Variants in IAPP observed in about 807,000 individuals in gnomAD.
IAPP encodes islet amyloid polypeptide.
In IAPP, 4 loss-of-function variants were observed where a neutral mutation model predicts 2.9. The ratio of observed to expected loss-of-function variants is 1.39; its 90% CI spans 0.69 to 3.19. The LOEUF (loss-of-function observed/expected upper bound fraction) is 3.19, where lower values mean the gene tolerates loss of function less well. Ranked by LOEUF, IAPP falls within the 30% of genes most tolerant of loss-of-function variation. The pLI is 0.01. For missense variants in IAPP, 114 were observed against 105.3 expected, an observed-to-expected ratio of 1.08 and a Z score of -0.36; for synonymous variants, 40 against 42.1, an observed-to-expected ratio of 0.95 and a Z score of 0.19.
At chr12:21,375,993 A>C (rs772851308) in intron 2 of IAPP, among the ~76,000 whole-genome samples, 4 of 152,230 alleles carry the variant, frequency 2.6e-5, no homozygotes, top group Admixed American at 6.5e-5. Flanking sequence ...TTTAGATAGA[A>C]TCTTATATAT....
intron 1 of IAPP, among the ~76,000 whole-genome samples, chr12:21,356,910 T>C (rs112967201): frequency 6.6e-5 from 10 of 152,074 alleles, no homozygotes; most frequent in African/African-American, 2.4e-4. Flanking sequence ...CCAGTGCTCG[T>C]GGAAACTTTA....
rs796513737 is a variant in IAPP at position 21,359,401 on chromosome 12, GA to G, written c.-16+4398del. ...TTCACTCCTTGTGTAAAACATTAGT[GA>G]AAAAAAAAACACAAACCTGAAATCG... On this transcript the variant is annotated intron_variant, in intron 1 of 2. Transcript: ENST00000539393. 6.1e-5 allele frequency among the ~76,000 whole-genome samples: 9 copies of G among 146,818 alleles called. No homozygotes were observed. The South Asian group carries it at 6.5e-4, about 11-fold the overall frequency.
chr12:21,366,413 G>C (rs1490895401), intron 1 of IAPP, among the ~76,000 whole-genome samples: 1 of 148,778 alleles, frequency 6.7e-6, no homozygotes, highest in Non-Finnish European at 1.5e-5. Context: ...GTGGGCGGGG[G>C]AGGGATAGCA....
intron 1 of IAPP, among the ~76,000 whole-genome samples, chr12:21,361,682 G>A (rs12824228): frequency 0.32 from 48,990 of 151,766 alleles, 8,164 homozygotes; most frequent in East Asian, 0.46. Context: ...AGAAAAGACA[G>A]TGTAGAGAAG....
chr12:21,362,139 C>A (rs1326246923), intron 1 of IAPP, among the ~76,000 whole-genome samples: 3 of 152,028 alleles, frequency 2.0e-5, no homozygotes, highest in Non-Finnish European at 4.4e-5. Flanking sequence ...TAAGGGCAGC[C>A]AGAGAGAAAG....
At chr12:21,362,452 A>G (rs191926158) in intron 1 of IAPP, among the ~76,000 whole-genome samples, 25 of 152,322 alleles carry the variant, frequency 1.6e-4, no homozygotes, top group African/African-American at 5.8e-4. Context: ...AACATGCCAA[A>G]TTGTAAAGAC....
rs1300469209 is a variant in IAPP, at chr12:21,378,506, G to C, written c.*80G>C. The C allele has an allele frequency of 3.5e-6, 4 of 1,144,546 alleles. No homozygotes were observed. The highest frequency in any genetic ancestry group is 5.3e-6 in the Non-Finnish European group (4 of 757,386). 70.9% of individuals were successfully genotyped at this position (1,144,546 alleles called of 1,614,324 possible). A position where few individuals can be genotyped will look rare whatever the true frequency, so the allele number is the denominator to read the frequency against. ...TTTAACAGTGCCCTTTTCATCTCCAGTGTGAATATATGGTCTGTGTGTCTG... is the reference window on the plus strand; with the variant it reads ...TTTAACAGTGCCCTTTTCATCTCCACTGTGAATATATGGTCTGTGTGTCTG... On this transcript the variant is annotated 3_prime_UTR_variant, in exon 3 of 3. Transcript: ENST00000240652.
chr12:21,360,383 A>G (rs1206566048), intron 1 of IAPP, among the ~76,000 whole-genome samples: 2 of 152,254 alleles, frequency 1.3e-5, no homozygotes, highest in Admixed American at 1.3e-4. Flanking sequence ...AATAAGGATC[A>G]TCAGATATTT....
chr12:21,378,737 G>C lies in IAPP; in HGVS notation c.*311G>C, dbSNP rs1448166646. ...AGGAGAAAAAGGTAGTTTGAACCTT[G>C]GTAAATTGTAAACAGCTAATAATGA... On this transcript the variant is annotated 3_prime_UTR_variant, in exon 3 of 3. Coordinates refer to ENST00000240652, the MANE Select transcript of IAPP (RefSeq NM_000415.3). 2 of 254,104 alleles carry C rather than the reference G, an allele frequency of 7.9e-6. No individual in the cohort carries two copies. The highest frequency in any genetic ancestry group is 2.2e-5 in the African/African-American group (1 of 45,032). The allele number at this position is 254,104 out of a possible 1,614,324, so 15.7% of individuals were successfully genotyped here.
Position 21,378,567 on chromosome 12 carries a change from T to C in IAPP, c.*141T>C, listed in dbSNP as rs767477594. 5.8e-6 allele frequency: 4 copies of C among 685,654 alleles called. No individual in the cohort carries two copies. The highest frequency in any genetic ancestry group is 1.0e-5 in the Non-Finnish European group (4 of 391,974). 42.5% of individuals were successfully genotyped at this position (685,654 alleles called of 1,614,324 possible). A position where few individuals can be genotyped will look rare whatever the true frequency, so the allele number is the denominator to read the frequency against. On this transcript the variant is annotated 3_prime_UTR_variant, in exon 3 of 3. Coordinates refer to ENST00000240652, the MANE Select transcript of IAPP (RefSeq NM_000415.3). ...CTAGGACATATACCTTCTCAAAAGA[T>C]TGTTTTATATGTAGTACTAACTAAG...
Position 21,362,447 on chromosome 12 carries a change from G to A in IAPP, c.-16+7434G>A, listed in dbSNP as rs572079697. On this transcript the variant is annotated intron_variant, in intron 1 of 2. Transcript: ENST00000539393. ...CCGGTACGAGCCACTGCAAAAACAT[G>A]CCAAATTGTAAAGACCATTGGTACT... Among the ~76,000 whole-genome samples the A allele has an allele frequency of 3.5e-3, 538 of 152,242 alleles. 4 individuals carry two copies. The highest frequency in any genetic ancestry group is 0.012 in the African/African-American group (501 of 41,534).
At chr12:21,366,047 G>A (rs528918460) in intron 1 of IAPP, among the ~76,000 whole-genome samples, 3 of 152,278 alleles carry the variant, frequency 2.0e-5, no homozygotes, top group African/African-American at 7.2e-5. Flanking sequence ...TCCCATTACT[G>A]GGCATATACC....
At chr12:21,370,473 T>TC (rs1196404018), upstream of IAPP, among the ~76,000 whole-genome samples, 3 of 94,116 alleles carry the variant, frequency 3.2e-5, no homozygotes, top group Non-Finnish European at 6.1e-5. Context: ...ATGCTATCCC[T>TC]CCCCCCTCCC....
chr12:21,366,524 C>T (rs11614319), intron 1 of IAPP, among the ~76,000 whole-genome samples: 1 of 151,692 alleles, frequency 6.6e-6, no homozygotes, highest in Non-Finnish European at 1.5e-5. Flanking sequence ...TGCACATGTA[C>T]CCTAGAACCT....
upstream of IAPP, among the ~76,000 whole-genome samples, chr12:21,372,241 T>C (rs750262585): frequency 2.8e-4 from 43 of 152,198 alleles, no homozygotes; most frequent in Non-Finnish European, 5.9e-4. Flanking sequence ...CTTGACTACA[T>C]ATACCTATGG....
At chr12:21,365,002 C>T (rs1288099808) in intron 1 of IAPP, among the ~76,000 whole-genome samples, 1 of 152,154 alleles carries the variant, frequency 6.6e-6, no homozygotes, top group Admixed American at 6.5e-5. Context: ...ATGCCATCCC[C>T]ATCAAGCTAC....
At chr12:21,355,244 T>C (rs11045995) in intron 1 of IAPP, among the ~76,000 whole-genome samples, 15,064 of 152,230 alleles carry the variant, frequency 0.099, 1,079 homozygotes, top group East Asian at 0.38. Context: ...TTTGTCTATA[T>C]AGCTCAGAAG....
upstream of IAPP, among the ~76,000 whole-genome samples, chr12:21,369,902 CT>C (rs1352527769): frequency 6.6e-6 from 1 of 152,130 alleles, no homozygotes; most frequent in Admixed American, 6.5e-5. Flanking sequence ...TTCATTAGTG[CT>C]ACAGGGAGCA....
In IAPP at chr12:21,373,366, G is replaced by A; in HGVS notation, c.15G>A (p.Lys5=). 1 of 1,612,954 alleles carries A rather than the reference G, an allele frequency of 6.2e-7. No homozygotes were observed. Residue 5 remains lysine, a synonymous_variant, in exon 2 of 3, where the codon AAG becomes AAA. Transcript: ENST00000240652. MGIL[K]LQVFLIVLSV... is the part of the protein sequence containing the mutation. ...TTTGAGAAGCAATGGGCATCCTGAA[G>A]CTGCAAGTATTTCTCATTGTGCTCT...
Sources: allele counts gnomAD v4.1 joint callset (sites outside exome capture counted in the v4.1 genomes callset), GRCh38; gene constraint gnomAD v4.1.1; transcripts MANE v1.5; gene names NCBI Gene and HGNC (gene_info 2026-07-23, HGNC 2026-07-21).